The following EDARADD variants were observed in gnomAD, a reference collection of about 807,000 sequenced individuals.
EDARADD encodes the protein EDAR associated via death domain.
Under a neutral mutation model 25.6 loss-of-function variants are expected in EDARADD, and 20 were observed. That is an observed-to-expected ratio of 0.78 (90% confidence interval 0.55 to 1.14). The LOEUF (loss-of-function observed/expected upper bound fraction) is 1.14, where lower values mean the gene tolerates loss of function less well. Among genes scored for constraint, EDARADD ranks in the 50% most tolerant of loss-of-function variants. The pLI is 0.00. For synonymous variants in EDARADD, 86 were observed against 94.4 expected, an observed-to-expected ratio of 0.91 and a Z score of 0.52; for missense variants, 225 against 270.1, an observed-to-expected ratio of 0.83 and a Z score of 1.17.
At chr1:236,462,842 C>G (rs1347792449) in intron 4 of EDARADD, among the ~76,000 whole-genome samples, 1 of 152,150 alleles carries the variant, frequency 6.6e-6, no homozygotes, top group African/African-American at 2.4e-5. Flanking sequence ...CTTTAGTTTA[C>G]TTGAATATAA....
Position 236,454,316 on chromosome 1 carries a change from G to A in EDARADD, c.220-13915G>A, listed in dbSNP as rs532391135. 2.7e-4 allele frequency among the ~76,000 whole-genome samples: 41 copies of A among 152,254 alleles called. No individual in the cohort carries two copies. The South Asian group carries it at 8.3e-3, about 31-fold the overall frequency. ...GCCCGCCTTGGCCTCCCAAAGTACT[G>A]GGATTACAGGCGTGAGCCACCGTGC... On this transcript the variant is annotated intron_variant, in intron 4 of 5. Transcript: ENST00000334232.
chr1:236,366,849 G>T (rs1434881352), intron 3 of EDARADD, among the ~76,000 whole-genome samples: 1 of 151,594 alleles, frequency 6.6e-6, no homozygotes, highest in East Asian at 1.9e-4. Context: ...GCCCGAGGTG[G>T]GCGGATCACC....
rs61740489 is a variant in EDARADD, at chr1:236,483,615, A to G, written c.*966A>G. On this transcript the variant is annotated 3_prime_UTR_variant, in exon 6 of 6. Transcript: ENST00000334232. ...AGTCATCTTGCCAGTCCCGGTGTTC[A>G]ATGTCATCAATGGCAGTTCTCATGC... is the stretch of plus-strand genomic sequence containing the variant. The G allele has an allele frequency of 1.5e-3, 2,357 of 1,539,124 alleles. 40 individuals carry two copies. In the African/African-American group the frequency reaches 0.027, roughly 17 times the overall value.
At chr1:236,434,478 G>A (rs1658188410) in intron 4 of EDARADD, among the ~76,000 whole-genome samples, 3 of 152,122 alleles carry the variant, frequency 2.0e-5, no homozygotes, top group African/African-American at 4.8e-5. Flanking sequence ...GACCTCAAGC[G>A]ATCCACCCGC....
At chr1:236,467,082 C>CAA (rs61551263) in intron 4 of EDARADD, among the ~76,000 whole-genome samples, 23 of 147,800 alleles carry the variant, frequency 1.6e-4, no homozygotes, top group Non-Finnish European at 2.6e-4. Context: ...AACAAAAAAA[C>CAA]AAAAAAAAAA....
At position 236,394,323 on chromosome 1, in the gene EDARADD, C is replaced by T; in HGVS notation, c.-122C>T. The T allele has an allele frequency of 3.6e-6, 4 of 1,101,890 alleles. No individual in the cohort carries two copies. In the South Asian group the frequency reaches 3.9e-5, roughly 11 times the overall value. 68.3% of individuals were successfully genotyped at this position (1,101,890 alleles called of 1,614,324 possible). Reference sequence around the variant, plus strand: ...AGTTTATCCTCCCACCTACAAATTCCCCAGAGAGCTTTCATCTAGAAGGTT... The same window carrying T: ...AGTTTATCCTCCCACCTACAAATTCTCCAGAGAGCTTTCATCTAGAAGGTT... On this transcript the variant is annotated 5_prime_UTR_variant, in exon 1 of 6. Transcript: ENST00000334232.
intron 1 of EDARADD, among the ~76,000 whole-genome samples, chr1:236,397,051 C>T (rs190141663): frequency 1.3e-5 from 2 of 151,894 alleles, no homozygotes; most frequent in Non-Finnish European, 2.9e-5. Flanking sequence ...ACTTGGGCTC[C>T]CCTAAATCGA....
intron 1 of EDARADD, among the ~76,000 whole-genome samples, chr1:236,403,236 G>A (rs1210141531): frequency 2.0e-5 from 3 of 152,200 alleles, no homozygotes; most frequent in East Asian, 3.9e-4. Context: ...GATTACGGGC[G>A]TGAGCCACCT....
At chr1:236,461,918 G>T (rs1262661954) in intron 4 of EDARADD, among the ~76,000 whole-genome samples, 1 of 152,196 alleles carries the variant, frequency 6.6e-6, no homozygotes, top group Non-Finnish European at 1.5e-5. Context: ...GCCCCTAAGG[G>T]ACCAGTGGGG....
intron 4 of EDARADD, among the ~76,000 whole-genome samples, chr1:236,458,383 A>C (rs1157809289): frequency 1.3e-5 from 2 of 152,216 alleles, no homozygotes; most frequent in Non-Finnish European, 2.9e-5. Flanking sequence ...ATTGTTAAAC[A>C]GATAAAGCAA....
chr1:236,352,574 G>T (rs1207155113), intron 3 of EDARADD, among the ~76,000 whole-genome samples: 1 of 152,226 alleles, frequency 6.6e-6, no homozygotes, highest in Admixed American at 6.5e-5. Flanking sequence ...AGGGCCAGGT[G>T]TGGTGGCTTA....
intron 4 of EDARADD, among the ~76,000 whole-genome samples, chr1:236,467,129 A>G (rs1659217971): frequency 6.6e-6 from 1 of 151,966 alleles, no homozygotes; most frequent in Non-Finnish European, 1.5e-5. Flanking sequence ...GCACATCTTT[A>G]CAGGTGAGAC....
At chr1:236,353,543 G>C (rs1319601935) in intron 3 of EDARADD, among the ~76,000 whole-genome samples, 1 of 152,034 alleles carries the variant, frequency 6.6e-6, no homozygotes, top group South Asian at 2.1e-4. Context: ...GCCGGGCGTG[G>C]TGGTGGGCAC....
At chr1:236,433,621 A>G (rs1241818616) in intron 4 of EDARADD, among the ~76,000 whole-genome samples, 1 of 151,916 alleles carries the variant, frequency 6.6e-6, no homozygotes, top group African/African-American at 2.4e-5. Flanking sequence ...TAACTCATAT[A>G]GTTTTCAAAA....
intron 3 of EDARADD, among the ~76,000 whole-genome samples, chr1:236,420,740 CAG>C (rs1482133286): frequency 1.3e-5 from 2 of 152,028 alleles, no homozygotes; most frequent in African/African-American, 2.4e-5. Context: ...CGTTGTTAAT[CAG>C]GGGAGAATTT....
At chr1:236,415,353 T>C (rs954270712) in intron 3 of EDARADD, among the ~76,000 whole-genome samples, 10 of 152,236 alleles carry the variant, frequency 6.6e-5, no homozygotes, top group African/African-American at 2.4e-4. Context: ...CATACACTTA[T>C]GCTTTAGGCA....
chr1:236,436,068 C>T (rs1163046507), intron 4 of EDARADD, among the ~76,000 whole-genome samples: 2 of 151,968 alleles, frequency 1.3e-5, no homozygotes, highest in African/African-American at 2.4e-5. Context: ...CTTTGGGAGG[C>T]CGAGGCAGGA....
rs1659755214 is a variant in EDARADD at position 236,483,867 on chromosome 1, G to A, written c.*1218G>A. 7.2e-7 allele frequency: 1 copy of A among 1,396,972 alleles called. No individual in the cohort carries two copies. 86.5% of individuals were successfully genotyped at this position (1,396,972 alleles called of 1,614,324 possible). ...GCTGAAGACTGCGATTGGGAAAGCT[G>A]GCTACACTGATAAGGTGATCGTCAG... is the stretch of plus-strand genomic sequence containing the variant. On this transcript the variant is annotated 3_prime_UTR_variant, in exon 6 of 6. Coordinates refer to ENST00000334232, the MANE Select transcript of EDARADD (RefSeq NM_145861.4).
chr1:236,484,115 G>A lies in EDARADD; in HGVS notation c.*1466G>A. On this transcript the variant is annotated 3_prime_UTR_variant, in exon 6 of 6. Transcript: ENST00000334232. This position sits in a 1 kb window ranked among gnomAD's most constrained non-coding sequence, Gnocchi z 4.1. Reference sequence around the variant, plus strand: ...CCAGTGCAGGAATCCAGGTAGTGGAGGATGATCTCAGAGTGACCAACCCAA... The same window carrying A: ...CCAGTGCAGGAATCCAGGTAGTGGAAGATGATCTCAGAGTGACCAACCCAA... 11 of 1,555,644 alleles carry A rather than the reference G, an allele frequency of 7.1e-6. No individual in the cohort carries two copies. Among genetic ancestry groups the A allele is most frequent in the Non-Finnish European group, 9.7e-6 (11 of 1,128,656 alleles).
Sources: allele counts gnomAD v4.1 joint callset (sites outside exome capture counted in the v4.1 genomes callset), GRCh38; gene constraint gnomAD v4.1.1; non-coding constraint Gnocchi (gnomAD v3.1); transcripts MANE v1.5; gene names NCBI Gene and HGNC (gene_info 2026-07-23, HGNC 2026-07-21).